NQO1: variants seen among roughly 807,000 people sequenced by gnomAD.
The protein encoded by NQO1 is NAD(P)H dehydrogenase [quinone] 1.
NQO1 carries 30 observed loss-of-function variants against 32.1 expected under a neutral mutation model. The observed-to-expected ratio is 0.94, with a 90% CI of 0.70 to 1.27. The LOEUF (loss-of-function observed/expected upper bound fraction) is 1.27. Among genes scored for constraint, NQO1 ranks in the 50% most tolerant of loss-of-function variants. The pLI is 0.00. For missense variants in NQO1, 276 were observed against 331.3 expected (o/e 0.83, Z 1.30); for synonymous variants, 109 against 119.7 (o/e 0.91, Z 0.59).
Position 69,726,515 on chromosome 16 carries a change from C to T in NQO1, c.-76G>A, listed in dbSNP as rs1269652852. On this transcript the variant is annotated 5_prime_UTR_variant, in exon 1 of 6. Coordinates refer to ENST00000320623, the MANE Select transcript of NQO1 (RefSeq NM_000903.3). ...GCGACCCTGGCCGGAACTAGGCTCT[C>T]GGTGAGCTGGGCGGCTCCGGCTGCA... is the stretch of plus-strand genomic sequence containing the variant. The T allele has an allele frequency of 1.9e-6, 3 of 1,581,644 alleles. No individual in the cohort carries two copies. The highest frequency in any genetic ancestry group is 1.4e-5 in the African/African-American group (1 of 73,978).
chr16:69,715,904 T>C (rs549392819), intron 3 of NQO1, among the ~76,000 whole-genome samples: 1 of 151,100 alleles, frequency 6.6e-6, no homozygotes, highest in African/African-American at 2.4e-5. Flanking sequence ...TGGTTGCTCA[T>C]GCCTATAATC....
Position 69,709,791 on chromosome 16 carries a change from C to A in NQO1, c.*1185G>T. Reference sequence around the variant, plus strand: ...TTGACTATTATGCCAAAACTGTTCACCAAAGTTGATAAAACTCTAGGTTTA... The same window carrying A: ...TTGACTATTATGCCAAAACTGTTCAACAAAGTTGATAAAACTCTAGGTTTA... On this transcript the variant is annotated 3_prime_UTR_variant, in exon 6 of 6. Coordinates refer to ENST00000320623, the MANE Select transcript of NQO1 (RefSeq NM_000903.3). 2.5e-6 allele frequency: 1 copy of A among 398,562 alleles called. No individual in the cohort carries two copies. The highest frequency in any genetic ancestry group is 1.3e-4 in the South Asian group (1 of 7,862). 24.7% of individuals were successfully genotyped at this position (398,562 alleles called of 1,614,324 possible). A position where few individuals can be genotyped will look rare whatever the true frequency, so the allele number is the denominator to read the frequency against.
chr16:69,710,773 C>T lies in NQO1; in HGVS notation c.*203G>A, dbSNP rs2038027240. 6.7e-6 allele frequency: 4 copies of T among 598,470 alleles called. No individual in the cohort carries two copies. The highest frequency in any genetic ancestry group is 2.9e-5 in the East Asian group (1 of 34,392). The allele number at this position is 598,470 out of a possible 1,614,324, so 37.1% of individuals were successfully genotyped here. On this transcript the variant is annotated 3_prime_UTR_variant, in exon 6 of 6. Transcript: ENST00000320623. ...CCCTAAGTGGCCTCTTGAGCCCAGT[C>T]GGATTTTGGTTATATGCCATGATAG...
intron 1 of NQO1, among the ~76,000 whole-genome samples, chr16:69,722,781 T>G (rs1276589579): frequency 1.3e-5 from 2 of 152,210 alleles, no homozygotes; most frequent in African/African-American, 4.8e-5. Context: ...GCTCTGAGGC[T>G]GCCTCAACAA....
intron 1 of NQO1, among the ~76,000 whole-genome samples, chr16:69,718,989 T>C (rs900943752): frequency 1.3e-5 from 2 of 149,444 alleles, no homozygotes; most frequent in Admixed American, 1.3e-4. Flanking sequence ...GAGCCAAGAT[T>C]GCACCATTGC....
At chr16:69,722,077 T>A (rs1161570613) in intron 1 of NQO1, among the ~76,000 whole-genome samples, 1 of 150,700 alleles carries the variant, frequency 6.6e-6, no homozygotes, top group Non-Finnish European at 1.5e-5. Context: ...CCACAGTTGC[T>A]CCTGATAATG....
intron 3 of NQO1, among the ~76,000 whole-genome samples, chr16:69,716,192 A>AATCATCATC (rs776862080): frequency 4.2e-5 from 6 of 144,172 alleles, no homozygotes; most frequent in South Asian, 2.3e-4. Context: ...TAATAATAAT[A>AATCATCATC]ATCATCATCA....
At chr16:69,725,953 A>G (rs1034098304) in intron 1 of NQO1, among the ~76,000 whole-genome samples, 16 of 152,192 alleles carry the variant, frequency 1.1e-4, no homozygotes, top group Non-Finnish European at 2.2e-4. Context: ...CGTCAAACCA[A>G]AGGCATCAGT....
At chr16:69,724,496 ATTTTT>A (rs879497693) in intron 1 of NQO1, among the ~76,000 whole-genome samples, 3 of 145,344 alleles carry the variant, frequency 2.1e-5, no homozygotes, top group Non-Finnish European at 4.6e-5. Flanking sequence ...CCCAGCCAAA[ATTTTT>A]TTTTTTTTTA....
intron 3 of NQO1, 62 bp from the exon 4 acceptor site, chr16:69,715,139 C>G (rs991648499): frequency 1.6e-6 from 2 of 1,285,188 alleles, no homozygotes; most frequent in African/African-American, 1.5e-5. Context: ...GAAGGTGGCT[C>G]GGAGTGCTGA....
intron 3 of NQO1, among the ~76,000 whole-genome samples, chr16:69,717,705 C>T (rs1439802245): frequency 6.6e-6 from 1 of 152,018 alleles, no homozygotes; most frequent in Non-Finnish European, 1.5e-5. Context: ...CTCCACCTCC[C>T]GGGTTCAAGT....
chr16:69,715,770 A>G (rs2038104885), intron 3 of NQO1, among the ~76,000 whole-genome samples: 1 of 152,148 alleles, frequency 6.6e-6, no homozygotes, highest in Non-Finnish European at 1.5e-5. Flanking sequence ...CCCATCGTGG[A>G]AAAAAATGTA....
chr16:69,721,733 C>G (rs954175566), intron 1 of NQO1, among the ~76,000 whole-genome samples: 1 of 151,166 alleles, frequency 6.6e-6, no homozygotes, highest in African/African-American at 2.4e-5. Flanking sequence ...GTGGCTCACA[C>G]CTGTAATCCC....
intron 5 of NQO1, among the ~76,000 whole-genome samples, chr16:69,712,747 G>A (rs2038057702): frequency 6.6e-6 from 1 of 152,212 alleles, no homozygotes; most frequent in Non-Finnish European, 1.5e-5. Flanking sequence ...GCTCACGCCT[G>A]TAATCACAGC....
intron 3 of NQO1, among the ~76,000 whole-genome samples, chr16:69,717,602 T>G (rs1213930992): frequency 2.0e-5 from 3 of 151,628 alleles, no homozygotes; most frequent in African/African-American, 4.8e-5. Context: ...TGCATTTCTT[T>G]CTTTCTTTTT....
intron 5 of NQO1, among the ~76,000 whole-genome samples, chr16:69,712,221 G>A (rs963839553): frequency 1.3e-5 from 2 of 151,842 alleles, no homozygotes; most frequent in South Asian, 4.2e-4. Context: ...GGGACCACAG[G>A]TGTATGACTA....
chr16:69,716,186 A>C lies in NQO1; in HGVS notation c.304-1109T>G, dbSNP rs201545348. On this transcript the variant is annotated intron_variant, in intron 3 of 5. Coordinates refer to ENST00000320623, the MANE Select transcript of NQO1 (RefSeq NM_000903.3). ...ATCTCTAAATAATAATAATAATAAT[A>C]ATAATAATCATCATCATCATCAACG... Among the ~76,000 whole-genome samples the C allele has an allele frequency of 3.6e-3, 427 of 119,278 alleles. 2 individuals carry two copies. Among genetic ancestry groups the C allele is most frequent in the East Asian group, 0.017 (34 of 2,016 alleles). 78.3% of individuals were successfully genotyped at this position (119,278 alleles called of 152,430 possible).
intron 4 of NQO1, among the ~76,000 whole-genome samples, chr16:69,713,969 G>A (rs371387758): frequency 2.6e-5 from 4 of 151,154 alleles, no homozygotes; most frequent in South Asian, 4.2e-4. Context: ...TCTGCCTCCC[G>A]GGTTCAAGCA....
At chr16:69,723,222 C>T (rs1368857456) in intron 1 of NQO1, among the ~76,000 whole-genome samples, 1 of 152,192 alleles carries the variant, frequency 6.6e-6, no homozygotes, top group Non-Finnish European at 1.5e-5. Flanking sequence ...AGCGCCCAGC[C>T]AACAGTTTTT....
Sources: gnomAD v4.1 joint callset for allele counts (sites outside exome capture counted in the v4.1 genomes callset) on GRCh38, gnomAD v4.1.1 for gene constraint, MANE v1.5 for transcripts, NCBI Gene and HGNC (gene_info 2026-07-23, HGNC 2026-07-21) for gene names.